Variants in DCLK2 observed in about 807,000 individuals in gnomAD.
The protein encoded by DCLK2 is doublecortin like kinase 2.
Under a neutral mutation model 78.4 loss-of-function variants are expected in DCLK2, and 31 were observed. That is an observed-to-expected ratio of 0.40 (90% CI 0.30 to 0.53). The LOEUF is 0.53. DCLK2 is among the 20% of genes least tolerant of loss of function. The probability of loss-of-function intolerance (pLI) is 0.61; values close to 1 mark genes in which losing one functional copy is unlikely to be tolerated. For synonymous variants in DCLK2, 407 were observed against 374.9 expected (o/e 1.09, Z -0.99); for missense variants, 872 against 973.7 (o/e 0.90, Z 1.39).
intron 2 of DCLK2, among the ~76,000 whole-genome samples, chr4:150,178,355 T>A (rs1298238536): frequency 6.6e-6 from 1 of 152,206 alleles, no homozygotes. Context: ...CAGGAAAATT[T>A]AATTGTGGTG....
At chr4:150,229,705 A>G (rs1241591176) in intron 8 of DCLK2, among the ~76,000 whole-genome samples, 1 of 152,184 alleles carries the variant, frequency 6.6e-6, no homozygotes, top group African/African-American at 2.4e-5. Context: ...GTCCTTTGCC[A>G]AGTTAGCAGT....
chr4:150,191,545 T>C (rs1738451282), intron 2 of DCLK2, among the ~76,000 whole-genome samples: 1 of 152,132 alleles, frequency 6.6e-6, no homozygotes. Context: ...CCCTGAATTC[T>C]AGCATGAGTG....
chr4:150,209,121 A>C (rs766620836), intron 5 of DCLK2, among the ~76,000 whole-genome samples: 2 of 152,248 alleles, frequency 1.3e-5, no homozygotes, highest in Non-Finnish European at 2.9e-5. Flanking sequence ...TGATCAGACC[A>C]AAAATTTGTA....
chr4:150,154,465 G>A (rs1735116014), intron 2 of DCLK2, among the ~76,000 whole-genome samples: 1 of 152,190 alleles, frequency 6.6e-6, no homozygotes, highest in African/African-American at 2.4e-5. Context: ...AAGTACTCTA[G>A]TGTACTTGTG....
Position 150,078,463 on chromosome 4 carries a change from C to G in DCLK2, c.-565C>G, listed in dbSNP as rs1728975407. 6.6e-6 allele frequency: 1 copy of G among 151,528 alleles called. No homozygotes were observed. The highest frequency in any genetic ancestry group is 6.6e-5 in the Admixed American group (1 of 15,174). 9.4% of individuals were successfully genotyped at this position (151,528 alleles called of 1,614,324 possible). On this transcript the variant is annotated 5_prime_UTR_variant, in exon 1 of 16. Transcript: ENST00000296550. ...AGGGGCCAGACACGGCCCTCTCAGC[C>G]CCGAACGGCGCGCGCTGCCCGGCGG...
intron 15 of DCLK2, among the ~76,000 whole-genome samples, chr4:150,251,809 C>G (rs1377279060): frequency 6.8e-6 from 1 of 146,908 alleles, no homozygotes; most frequent in Admixed American, 6.8e-5. Context: ...ATGGATTGAG[C>G]GTCCACCAGG....
At chr4:150,232,850 T>C (rs1397377102) in intron 10 of DCLK2, 22 bp downstream of exon 10, 8 of 1,604,532 alleles carry the variant, frequency 5.0e-6, no homozygotes, top group Non-Finnish European at 6.0e-6. Context: ...CTGCTTTTTC[T>C]GTTCCAATGA....
Position 150,163,006 on chromosome 4 carries a change from C to T in DCLK2, c.757-30132C>T, listed in dbSNP as rs190745053. 9.9e-4 allele frequency among the ~76,000 whole-genome samples: 150 copies of T among 152,244 alleles called. 3 individuals carry two copies. The highest frequency in any genetic ancestry group is 9.5e-3 in the Admixed American group (145 of 15,282). On this transcript the variant is annotated intron_variant, in intron 2 of 15. Coordinates refer to ENST00000296550, the MANE Select transcript of DCLK2 (RefSeq NM_001040260.4). ...TGGTACTGAGAATTGACTGTGACTG[C>T]GCAACACATCTTTCTTTCTTCCAAA...
chr4:150,111,416 C>T (rs1310206277), intron 2 of DCLK2, among the ~76,000 whole-genome samples: 1 of 152,064 alleles, frequency 6.6e-6, no homozygotes, highest in Admixed American at 6.6e-5. Context: ...AATATTTTCT[C>T]CTGTTGTGTA....
At chr4:150,147,438 A>G (rs1054816696) in intron 2 of DCLK2, among the ~76,000 whole-genome samples, 3 of 152,186 alleles carry the variant, frequency 2.0e-5, no homozygotes, top group Admixed American at 2.0e-4. Flanking sequence ...GTGAAAGACC[A>G]GACCAAAATC....
chr4:150,118,423 G>C (rs1400698057), intron 2 of DCLK2, among the ~76,000 whole-genome samples: 2 of 152,104 alleles, frequency 1.3e-5, no homozygotes, highest in African/African-American at 4.8e-5. Flanking sequence ...ATGACCCTTA[G>C]AGTTATTTTA....
At chr4:150,163,272 C>T (rs1229045649) in intron 2 of DCLK2, among the ~76,000 whole-genome samples, 3 of 152,046 alleles carry the variant, frequency 2.0e-5, no homozygotes, top group South Asian at 2.1e-4. Context: ...GTGGCAGGCA[C>T]CTATAGTTCC....
chr4:150,145,628 A>G (rs1734416489), intron 2 of DCLK2, among the ~76,000 whole-genome samples: 1 of 152,244 alleles, frequency 6.6e-6, no homozygotes, highest in South Asian at 2.1e-4. Flanking sequence ...TGTGGCAGTC[A>G]TTGCATTAGG....
chr4:150,156,373 G>A (rs988295127), intron 2 of DCLK2, among the ~76,000 whole-genome samples: 11 of 152,012 alleles, frequency 7.2e-5, no homozygotes, highest in African/African-American at 1.9e-4. Context: ...GGGGCTGGAC[G>A]TTGTGGCTCA....
intron 5 of DCLK2, 94 bp downstream of exon 5, chr4:150,203,983 A>G (rs1739651901): frequency 8.6e-7 from 1 of 1,161,504 alleles, no homozygotes; most frequent in African/African-American, 1.5e-5. Flanking sequence ...TGAGTACAGT[A>G]GCAAATTAAA....
At chr4:150,118,536 TC>T (rs1732275350) in intron 2 of DCLK2, among the ~76,000 whole-genome samples, 1 of 152,170 alleles carries the variant, frequency 6.6e-6, no homozygotes. Context: ...AATTGACTAT[TC>T]CTATACATAT....
chr4:150,157,067 G>C (rs1044169028), intron 2 of DCLK2, among the ~76,000 whole-genome samples: 2 of 151,618 alleles, frequency 1.3e-5, no homozygotes, highest in Non-Finnish European at 2.9e-5. Flanking sequence ...ACTGCGCACA[G>C]CCAGGAGTTA....
intron 2 of DCLK2, among the ~76,000 whole-genome samples, chr4:150,163,838 A>G (rs1451983344): frequency 6.6e-6 from 1 of 152,256 alleles, no homozygotes. Flanking sequence ...ATTGAGATGA[A>G]GAGTCACCAA....
chr4:150,233,619 A>G (rs1742247485), intron 10 of DCLK2, among the ~76,000 whole-genome samples: 1 of 152,208 alleles, frequency 6.6e-6, no homozygotes, highest in Non-Finnish European at 1.5e-5. Context: ...GCATGGAAAC[A>G]GAGACCAAGA....
Sources: allele counts gnomAD v4.1 joint callset (sites outside exome capture counted in the v4.1 genomes callset), GRCh38; gene constraint gnomAD v4.1.1; transcripts MANE v1.5; gene names NCBI Gene and HGNC (gene_info 2026-07-23, HGNC 2026-07-21).